Variants in EXOC3L4 observed in about 807,000 individuals in gnomAD.
EXOC3L4 encodes the protein exocyst complex component 3 like 4.
EXOC3L4 carries 62 observed loss-of-function variants against 69.7 expected under a neutral mutation model. The ratio of observed to expected loss-of-function variants is 0.89; its 90% CI spans 0.72 to 1.10. The LOEUF (loss-of-function observed/expected upper bound fraction) is 1.10, where lower values mean the gene tolerates loss of function less well. EXOC3L4 is among the 50% of genes least tolerant of loss of function. The probability of loss-of-function intolerance (pLI) is 0.00; values close to 1 mark genes in which losing one functional copy is unlikely to be tolerated. For synonymous variants in EXOC3L4, 502 were observed against 464.2 expected (o/e 1.08, Z -1.05); for missense variants, 1,087 against 1,034.8 (o/e 1.05, Z -0.69).
chr14:103,100,386 CCTT>C lies in EXOC3L4; in HGVS notation c.170_172del (p.Phe57del). 1 of 1,609,284 alleles carries C rather than the reference CCTT, an allele frequency of 6.2e-7. No homozygotes were observed. On this transcript the variant is annotated inframe_deletion, in exon 2 of 12. Coordinates refer to ENST00000688303, the MANE Select transcript of EXOC3L4 (RefSeq NM_001077594.2). ...CTGGGCCTGGGCTCCCTGAGGCAGG[CCTT>C]CTCCCGGGCCAGCCAGCGGGCTTTG...
At position 103,102,512 on chromosome 14, in the gene EXOC3L4, G is replaced by A. The variant is rs900738164; in HGVS notation, c.789G>A (p.Gly263=). ...AGCGCGTGCGGCGGCCGGGCGCGGG[G>A]TGGGCCTTCGGGGAGGCGGAGGGCG... is the stretch of plus-strand genomic sequence containing the variant. ...AQERVRRPGA[G]WAFGEAEGAS... Residue 263 remains glycine, a synonymous_variant, in exon 3 of 12, where the codon GGG becomes GGA. Coordinates refer to ENST00000688303, the MANE Select transcript of EXOC3L4 (RefSeq NM_001077594.2). 5.8e-6 allele frequency: 8 copies of A among 1,389,520 alleles called. No individual in the cohort carries two copies. The African/African-American group carries it at 1.1e-4, about 18-fold the overall frequency. 86.1% of individuals were successfully genotyped at this position (1,389,520 alleles called of 1,614,324 possible).
rs375935865 is a variant in EXOC3L4, at chr14:103,107,560, G to A, written c.1701+17G>A. 1.2e-6 allele frequency: 2 copies of A among 1,613,138 alleles called. No homozygotes were observed. Among genetic ancestry groups the A allele is most frequent in the Non-Finnish European group, 1.7e-6 (2 of 1,179,746 alleles). ...CGGGCACAGGTACCACAAGGGGGAG[G>A]GCCCTGGCAGGGCTGTGCCCAGGAT... On this transcript the variant is annotated intron_variant, in intron 9 of 11. Transcript: ENST00000688303.
chr14:103,104,627 A>AGACT (rs993000360), intron 5 of EXOC3L4, 111 bp from the exon 6 acceptor site: 24 of 1,264,154 alleles, frequency 1.9e-5, no homozygotes, highest in Non-Finnish European at 2.5e-5. Context: ...GGAGGGGCCA[A>AGACT]GACTGACAGG....
chr14:103,099,601 C>T (rs1201476608), intron 1 of EXOC3L4, among the ~76,000 whole-genome samples: 1 of 152,228 alleles, frequency 6.6e-6, no homozygotes, highest in East Asian at 1.9e-4. Flanking sequence ...TGGCCACTGC[C>T]CTCAGGCCCC....
At position 103,102,296 on chromosome 14, in the gene EXOC3L4, C is replaced by T. The variant is rs751063864; in HGVS notation, c.573C>T (p.Ala191=). Residue 191 remains alanine, a synonymous_variant, in exon 3 of 12, where the codon GCC becomes GCT. Transcript: ENST00000688303. ...DVCLLYDGLA[A]EIGAIVRETL... ...GCCTGCTTTACGACGGGCTGGCAGCCGAGATCGGCGCCATCGTGCGCGAGA... is the reference window on the plus strand; with the variant it reads ...GCCTGCTTTACGACGGGCTGGCAGCTGAGATCGGCGCCATCGTGCGCGAGA... The T allele has an allele frequency of 1.9e-6, 3 of 1,573,746 alleles. No homozygotes were observed. Among genetic ancestry groups the T allele is most frequent in the Non-Finnish European group, 2.6e-6 (3 of 1,165,288 alleles).
At position 103,100,406 on chromosome 14, in the gene EXOC3L4, C is replaced by T. The variant is rs144114629; in HGVS notation, c.187C>T (p.Arg63Trp). 1.1e-5 allele frequency: 17 copies of T among 1,611,776 alleles called. No homozygotes were observed. The highest frequency in any genetic ancestry group is 6.7e-5 in the African/African-American group (5 of 74,932). ...LRQAFSRASQ[R>W]ALTQVSKEDT... Reference sequence around the variant, plus strand: ...GCAGGCCTTCTCCCGGGCCAGCCAGCGGGCTTTGACCCAGGTCTCCAAGGA... The same window carrying T: ...GCAGGCCTTCTCCCGGGCCAGCCAGTGGGCTTTGACCCAGGTCTCCAAGGA... The change falls in exon 2 of 12, where the codon CGG becomes TGG. Residue 63 changes from arginine (R) to tryptophan (W), a missense_variant. Physicochemically the swap from Arg to Trp is moderately radical, Grantham distance 101. Coordinates refer to ENST00000688303, the MANE Select transcript of EXOC3L4 (RefSeq NM_001077594.2).
intron 7 of EXOC3L4, among the ~76,000 whole-genome samples, chr14:103,105,371 T>C (rs1489563443): frequency 6.6e-6 from 1 of 151,482 alleles, no homozygotes; most frequent in African/African-American, 2.4e-5. Context: ...TGTGTGTGTG[T>C]GTGTGTGTGT....
Position 103,105,358 on chromosome 14 carries a change from CTG to C in EXOC3L4, c.1466+310_1466+311del, listed in dbSNP as rs56105443. Among the ~76,000 whole-genome samples the C allele has an allele frequency of 7.1e-3, 1,006 of 140,986 alleles. 7 individuals are homozygous for C. Among genetic ancestry groups the C allele is most frequent in the African/African-American group, 0.023 (859 of 37,750 alleles). 92.5% of individuals were successfully genotyped at this position (140,986 alleles called of 152,430 possible). A position where few individuals can be genotyped will look rare whatever the true frequency, so the allele number is the denominator to read the frequency against. On this transcript the variant is annotated intron_variant, in intron 7 of 11. Transcript: ENST00000688303. ...TGTGCGTGTTTGGCAGAGCTGAGGG[CTG>C]TGTGTGTGTGTGTGTGTGTGTGTTG...
chr14:103,109,949 A>G, intron 11 of EXOC3L4, 82 bp from the exon 12 acceptor site: 1 of 1,417,206 alleles, frequency 7.1e-7, no homozygotes, highest in Non-Finnish European at 9.5e-7. Flanking sequence ...ACTAACTCCC[A>G]AGCCCGTGGG....
chr14:103,102,615 C>T lies in EXOC3L4; in HGVS notation c.892C>T (p.Gln298Ter). The part of the protein sequence containing the change: ...RDLQKVRQEV[Q>*]PAYAAAGFPA... ...CCTGCAGAAGGTGCGGCAGGAGGTG[C>T]AGCCCGCGTATGCGGCGGCCGGCTT... is the stretch of plus-strand genomic sequence containing the variant. The change falls in exon 3 of 12, where the codon CAG becomes TAG. Residue 298 changes from glutamine (Q) to a stop codon, truncating the protein, a stop_gained. Coordinates refer to ENST00000688303, the MANE Select transcript of EXOC3L4 (RefSeq NM_001077594.2). LOFTEE classifies it high-confidence loss of function. 6.7e-7 allele frequency: 1 copy of T among 1,498,896 alleles called. No individual in the cohort carries two copies. The highest frequency in any genetic ancestry group is 2.8e-5 in the East Asian group (1 of 35,764). 92.8% of individuals were successfully genotyped at this position (1,498,896 alleles called of 1,614,324 possible). A position where few individuals can be genotyped will look rare whatever the true frequency, so the allele number is the denominator to read the frequency against.
At chr14:103,104,649 G>A (rs1890429269) in intron 5 of EXOC3L4, 89 bp from the exon 6 acceptor site, 1 of 752,440 alleles carries the variant, frequency 1.3e-6, no homozygotes, top group Admixed American at 4.7e-5. Context: ...ACAGCGGGGC[G>A]GGCTGGAGGC....
chr14:103,095,867 T>C (rs1889866290), intron 1 of EXOC3L4, among the ~76,000 whole-genome samples: 1 of 152,254 alleles, frequency 6.6e-6, no homozygotes, highest in Non-Finnish European at 1.5e-5. Context: ...ATATCACCTA[T>C]GAATAATGAC....
intron 8 of EXOC3L4, among the ~76,000 whole-genome samples, 179 bp from the exon 9 acceptor site, chr14:103,107,245 C>G (rs1733135478): frequency 1.3e-5 from 2 of 152,156 alleles, no homozygotes; most frequent in African/African-American, 2.4e-5. Flanking sequence ...GCCCCTAGAG[C>G]TTGGGGCCTG....
At chr14:103,109,862 C>T (rs1273772330) in intron 11 of EXOC3L4, among the ~76,000 whole-genome samples, 169 bp from the exon 12 acceptor site, 2 of 151,676 alleles carry the variant, frequency 1.3e-5, no homozygotes, top group Admixed American at 1.3e-4. Flanking sequence ...CACGCCCTGC[C>T]CCCTCCCCCA....
rs1358354757 is a variant in EXOC3L4 at position 103,103,368 on chromosome 14, A to AAAAAG, written c.1050-570_1050-569insAGAAA. Among the ~76,000 whole-genome samples, 398 of 146,160 alleles carry AAAAAG rather than the reference A, an allele frequency of 2.7e-3. 2 individuals are homozygous for AAAAAG. The highest frequency in any genetic ancestry group is 6.9e-3 in the Middle Eastern group (2 of 290). On this transcript the variant is annotated intron_variant, in intron 3 of 11. Coordinates refer to ENST00000688303, the MANE Select transcript of EXOC3L4 (RefSeq NM_001077594.2). ...AGACTCTGTCTCAAAAAAAAAAAAA[A>AAAAAG]AAAGAAAGAAAGAAAGAAAAGAAAA...
At position 103,110,461 on chromosome 14, in the gene EXOC3L4, T is replaced by C. The variant is rs1363535732; in HGVS notation, c.*238T>C. On this transcript the variant is annotated 3_prime_UTR_variant, in exon 12 of 12. Transcript: ENST00000688303. ...GCCGCAGAGCTCTCAATGCTGCCTA[T>C]CGGGCGGGGGGGGGCCTCCCGCCCG... The C allele has an allele frequency of 1.8e-6, 1 of 564,358 alleles. No homozygotes were observed. Among genetic ancestry groups the C allele is most frequent in the South Asian group, 1.6e-5 (1 of 63,154 alleles). The allele number at this position is 564,358 out of a possible 1,614,324, so 35.0% of individuals were successfully genotyped here.
chr14:103,104,219 G>A (rs1890397376), intron 4 of EXOC3L4, 48 bp from the exon 5 acceptor site: 3 of 1,505,330 alleles, frequency 2.0e-6, no homozygotes, highest in Admixed American at 2.1e-5. Context: ...GACGGCGCGG[G>A]ACGGGGTCTG....
Position 103,104,751 on chromosome 14 carries a change from A to G in EXOC3L4, c.1298A>G (p.His433Arg). 6.6e-7 allele frequency: 1 copy of G among 1,514,860 alleles called. No homozygotes were observed. The highest frequency in any genetic ancestry group is 1.4e-5 in the African/African-American group (1 of 71,908). The allele number at this position is 1,514,860 out of a possible 1,614,324, so 93.8% of individuals were successfully genotyped here. A position where few individuals can be genotyped will look rare whatever the true frequency, so the allele number is the denominator to read the frequency against. The change falls in exon 6 of 12, where the codon CAC (histidine) becomes CGC (arginine). Residue 433 changes from histidine to arginine, a missense_variant. His to Arg is a conservative substitution (Grantham distance 29). Coordinates refer to ENST00000688303, the MANE Select transcript of EXOC3L4 (RefSeq NM_001077594.2). ...CTTCGCTCGCAGCTCGTGGCCGAGC[A>G]CGTGAAGGCGGCCGGCGCCATCTCC... is the stretch of plus-strand genomic sequence containing the variant. ...SMDVHMLVAE[H>R]VKAAGAISAE...
chr14:103,102,279 T>TACG lies in EXOC3L4; in HGVS notation c.560_562dup (p.Asp187dup). 1 of 1,580,258 alleles carries TACG rather than the reference T, an allele frequency of 6.3e-7. No individual in the cohort carries two copies. Among genetic ancestry groups the TACG allele is most frequent in the Non-Finnish European group, 8.6e-7 (1 of 1,167,070 alleles). ...GCGCGCTATGGACGTGTGCCTGCTTTACGACGGGCTGGCAGCCGAGATCGG... is the reference window on the plus strand; with the variant it reads ...GCGCGCTATGGACGTGTGCCTGCTTTACGACGACGGGCTGGCAGCCGAGATCGG... On this transcript the variant is annotated inframe_insertion, in exon 3 of 12. Transcript: ENST00000688303.
Sources: allele counts gnomAD v4.1 joint callset (sites outside exome capture counted in the v4.1 genomes callset), GRCh38; gene constraint gnomAD v4.1.1; transcripts MANE v1.5; gene names NCBI Gene and HGNC (gene_info 2026-07-23, HGNC 2026-07-21).